GPR39: variants seen among roughly 807,000 people sequenced by gnomAD.
GPR39 encodes G protein-coupled receptor 39.
In GPR39, 23 loss-of-function variants were observed where a neutral mutation model predicts 18.4. That is an observed-to-expected ratio of 1.25 (90% CI 0.90 to 1.77). The LOEUF is 1.77. Ranked by LOEUF, GPR39 falls within the 40% of genes most tolerant of loss-of-function variation. The pLI, the probability that GPR39 is intolerant of heterozygous loss-of-function variation, is 0.00. For missense variants in GPR39, 647 were observed against 602.4 expected, an observed-to-expected ratio of 1.07 and a Z score of -0.78; for synonymous variants, 280 against 257.9, an observed-to-expected ratio of 1.09 and a Z score of -0.82.
At chr2:132,504,409 A>G (rs1460191177) in intron 1 of GPR39, among the ~76,000 whole-genome samples, 1 of 152,216 alleles carries the variant, frequency 6.6e-6, no homozygotes, top group Non-Finnish European at 1.5e-5. Flanking sequence ...AAAGGTGGTC[A>G]CTCAGCCTCT....
chr2:132,627,144 C>T (rs1681559910), intron 1 of GPR39, among the ~76,000 whole-genome samples: 1 of 152,108 alleles, frequency 6.6e-6, no homozygotes, highest in African/African-American at 2.4e-5. Context: ...GATCTGGATC[C>T]CATGTTCATC....
At chr2:132,461,849 G>T (rs1680838033) in intron 1 of GPR39, among the ~76,000 whole-genome samples, 1 of 152,178 alleles carries the variant, frequency 6.6e-6, no homozygotes, top group Non-Finnish European at 1.5e-5. Context: ...TGTGCCGAGG[G>T]ATTTGGAATA....
chr2:132,474,438 T>C (rs1681089025), intron 1 of GPR39, among the ~76,000 whole-genome samples: 1 of 152,158 alleles, frequency 6.6e-6, no homozygotes, highest in African/African-American at 2.4e-5. Context: ...GGCTAATATA[T>C]GCTTTGGATA....
chr2:132,588,322 G>A (rs922454781), intron 1 of GPR39, among the ~76,000 whole-genome samples: 1 of 152,150 alleles, frequency 6.6e-6, no homozygotes, highest in African/African-American at 2.4e-5. Flanking sequence ...TGGGAGGGAA[G>A]GATGGCCAAG....
intron 1 of GPR39, among the ~76,000 whole-genome samples, chr2:132,547,268 A>G (rs900067332): frequency 6.6e-6 from 1 of 152,192 alleles, no homozygotes; most frequent in Non-Finnish European, 1.5e-5. Flanking sequence ...CCTAGACAAA[A>G]ATGGGTTCCA....
At chr2:132,604,336 T>TC (rs1272378941) in intron 1 of GPR39, 2 of 152,194 alleles carry the variant, frequency 1.3e-5, no homozygotes, top group East Asian at 3.8e-4. Context: ...CTACCGAAGC[T>TC]CTGAGAACTG....
At chr2:132,600,628 G>A (rs1289173292) in intron 1 of GPR39, among the ~76,000 whole-genome samples, 1 of 151,954 alleles carries the variant, frequency 6.6e-6, no homozygotes, top group Non-Finnish European at 1.5e-5. Flanking sequence ...TAAATTCCTG[G>A]ACACATATAA....
At chr2:132,613,144 C>T (rs57536045) in intron 1 of GPR39, among the ~76,000 whole-genome samples, 6,008 of 152,174 alleles carry the variant, frequency 0.039, 393 homozygotes, top group African/African-American at 0.14. Context: ...TCCATAGATG[C>T]TTTTGGGTTT....
rs762327286 is a variant in GPR39, at chr2:132,646,024, G to T, written c.*418G>T. 7.3e-6 allele frequency: 11 copies of T among 1,502,416 alleles called. No individual in the cohort carries two copies. The allele number at this position is 1,502,416 out of a possible 1,614,324, so 93.1% of individuals were successfully genotyped here. A position where few individuals can be genotyped will look rare whatever the true frequency, so the allele number is the denominator to read the frequency against. On this transcript the variant is annotated 3_prime_UTR_variant, in exon 2 of 2. Coordinates refer to ENST00000329321, the MANE Select transcript of GPR39 (RefSeq NM_001508.3). ...GAGGGCTGGAAGAACAATGCAGGAG[G>T]GGGTGGCATCTCCTTCAGCTTCAGC... is the stretch of plus-strand genomic sequence containing the variant.
chr2:132,530,877 T>C (rs945190740), intron 1 of GPR39, among the ~76,000 whole-genome samples: 3 of 152,034 alleles, frequency 2.0e-5, no homozygotes, highest in Non-Finnish European at 2.9e-5. Context: ...AAGGAACAAC[T>C]TGTACCAGCC....
In GPR39 at chr2:132,605,133, G is replaced by A. The variant is rs546279912; in HGVS notation, c.857-39968G>A. ...CACATAAGATAAATGGTAGAGCTGG[G>A]ACATGACCTCAGACAGCCCGACACC... On this transcript the variant is annotated intron_variant, in intron 1 of 1. Transcript: ENST00000329321. Among the ~76,000 whole-genome samples, 165 of 152,298 alleles carry A rather than the reference G, an allele frequency of 1.1e-3. 2 individuals are homozygous for A. The South Asian group carries it at 0.018, about 17-fold the overall frequency.
intron 1 of GPR39, among the ~76,000 whole-genome samples, chr2:132,505,988 C>G (rs1044166188): frequency 1.1e-4 from 16 of 152,190 alleles, no homozygotes; most frequent in Admixed American, 2.0e-4. Flanking sequence ...CTGTATTCTA[C>G]AATGGTTGTA....
Position 132,489,840 on chromosome 2 carries a change from A to T in GPR39, c.856+71942A>T, listed in dbSNP as rs545747278. Among the ~76,000 whole-genome samples, 90 of 152,030 alleles carry T rather than the reference A, an allele frequency of 5.9e-4. 5 individuals are homozygous for T. The highest frequency in any genetic ancestry group is 2.1e-3 in the African/African-American group (88 of 41,354). On this transcript the variant is annotated intron_variant, in intron 1 of 1. Coordinates refer to ENST00000329321, the MANE Select transcript of GPR39 (RefSeq NM_001508.3). ...AAAATGTATTTGTATTAAATTTATG[A>T]TCAATTTAGTCAGTTACTGACAGCT... is the stretch of plus-strand genomic sequence containing the variant.
intron 1 of GPR39, among the ~76,000 whole-genome samples, chr2:132,632,936 G>C (rs951449498): frequency 5.9e-5 from 9 of 152,064 alleles, no homozygotes; most frequent in African/African-American, 2.2e-4. Context: ...CAGAGATATA[G>C]GTCCATGGTC....
intron 1 of GPR39, among the ~76,000 whole-genome samples, chr2:132,520,339 A>G (rs1679399547): frequency 6.6e-6 from 1 of 152,200 alleles, no homozygotes; most frequent in Admixed American, 6.5e-5. Context: ...CATCTGCATA[A>G]CACCTTGCCT....
chr2:132,430,289 T>C (rs1017603201), intron 1 of GPR39, among the ~76,000 whole-genome samples: 6 of 152,204 alleles, frequency 3.9e-5, no homozygotes, highest in African/African-American at 1.2e-4. Flanking sequence ...GCCCTGGACA[T>C]TGGCATTATT....
intron 1 of GPR39, among the ~76,000 whole-genome samples, chr2:132,444,719 T>C (rs528809476): frequency 1.3e-5 from 2 of 152,336 alleles, no homozygotes; most frequent in Non-Finnish European, 2.9e-5. Flanking sequence ...AAGATCACCA[T>C]TGATGAAGTG....
chr2:132,492,826 AC>A (rs1402733414), intron 1 of GPR39, among the ~76,000 whole-genome samples: 7 of 140,700 alleles, frequency 5.0e-5, no homozygotes, highest in African/African-American at 1.6e-4. Context: ...CCATATATAT[AC>A]CATATACACA....
chr2:132,541,567 A>C (rs560064295), intron 1 of GPR39, among the ~76,000 whole-genome samples: 2 of 152,344 alleles, frequency 1.3e-5, no homozygotes, highest in Admixed American at 1.3e-4. Context: ...AAAATGGCAC[A>C]GGTTGGCCAG....
Sources: gnomAD v4.1 joint callset for allele counts (sites outside exome capture counted in the v4.1 genomes callset) on GRCh38, gnomAD v4.1.1 for gene constraint, MANE v1.5 for transcripts, NCBI Gene and HGNC (gene_info 2026-07-23, HGNC 2026-07-21) for gene names.